Variants in ARHGAP10 observed in about 807,000 individuals in gnomAD.
ARHGAP10 encodes Rho GTPase activating protein 10.
Under a neutral mutation model 108.6 loss-of-function variants are expected in ARHGAP10, and 87 were observed. The ratio of observed to expected loss-of-function variants is 0.80; its 90% confidence interval spans 0.67 to 0.96. The LOEUF is 0.96. ARHGAP10 is among the 40% of genes least tolerant of loss of function. ARHGAP10 has a pLI of 0.00. For synonymous variants in ARHGAP10, 347 were observed against 341.1 expected, an observed-to-expected ratio of 1.02 and a Z score of -0.19; for missense variants, 939 against 954.5, an observed-to-expected ratio of 0.98 and a Z score of 0.21.
rs546694604 is a variant in ARHGAP10 at position 147,937,399 on chromosome 4, CTTATTTCTAAATACAGTCACAT to C, written c.1229-2423_1229-2402del. ...ATTTAATTACTTTTTTTTTCAAGAC[CTTATTTCTAAATACAGTCACAT>C]TTGGAAGTACTGAGGATTAGGACGT... On this transcript the variant is annotated intron_variant, in intron 13 of 22. Coordinates refer to ENST00000336498, the MANE Select transcript of ARHGAP10 (RefSeq NM_024605.4). Among the ~76,000 whole-genome samples, 44 of 152,016 alleles carry C rather than the reference CTTATTTCTAAATACAGTCACAT, an allele frequency of 2.9e-4. No homozygotes were observed. The South Asian group carries it at 8.5e-3, about 29-fold the overall frequency.
At chr4:147,990,729 A>C (rs576977579) in intron 18 of ARHGAP10, among the ~76,000 whole-genome samples, 15 of 152,294 alleles carry the variant, frequency 9.8e-5, no homozygotes, top group African/African-American at 3.6e-4. Flanking sequence ...CATTGAGTAC[A>C]TAGGGACACA....
chr4:147,767,554 T>C (rs555356504), intron 1 of ARHGAP10, among the ~76,000 whole-genome samples: 76 of 152,198 alleles, frequency 5.0e-4, no homozygotes, highest in Middle Eastern at 3.4e-3. Flanking sequence ...TAAAAGATTA[T>C]CAAGAATCGT....
chr4:147,764,917 GT>G (rs1464681848), intron 1 of ARHGAP10, among the ~76,000 whole-genome samples: 1 of 152,178 alleles, frequency 6.6e-6, no homozygotes, highest in East Asian at 1.9e-4. Context: ...TGCTGAGAGT[GT>G]TTTTAAAAGT....
chr4:147,911,994 C>CGTGT lies in ARHGAP10; in HGVS notation c.1163-1037_1163-1034dup, dbSNP rs36217593. ...TTCTCAAGTAATTTAAGAACATTCA[C>CGTGT]GTGTGTGTGTGTGTGTGTGTGTGTG... On this transcript the variant is annotated intron_variant, in intron 12 of 22. Transcript: ENST00000336498. Among the ~76,000 whole-genome samples, 467 of 135,406 alleles carry CGTGT rather than the reference C, an allele frequency of 3.4e-3. 3 individuals carry two copies. Among genetic ancestry groups the CGTGT allele is most frequent in the African/African-American group, 0.012 (408 of 34,786 alleles). 88.8% of individuals were successfully genotyped at this position (135,406 alleles called of 152,430 possible).
intron 1 of ARHGAP10, among the ~76,000 whole-genome samples, chr4:147,786,425 A>T (rs1289029916): frequency 6.6e-6 from 1 of 152,158 alleles, no homozygotes; most frequent in Non-Finnish European, 1.5e-5. Flanking sequence ...AGTTCTTAGC[A>T]ATGGCAGGGA....
At chr4:147,992,701 T>C (rs1220522926) in intron 18 of ARHGAP10, among the ~76,000 whole-genome samples, 1 of 152,176 alleles carries the variant, frequency 6.6e-6, no homozygotes, top group Non-Finnish European at 1.5e-5. Context: ...CCATTGCACC[T>C]GGCCGAAAAA....
At chr4:147,813,759 G>T (rs1052679499) in intron 1 of ARHGAP10, among the ~76,000 whole-genome samples, 5 of 152,142 alleles carry the variant, frequency 3.3e-5, no homozygotes, top group Admixed American at 1.3e-4. Context: ...ATGTTTTCCT[G>T]GTCTCTTCGT....
At chr4:148,030,656 C>T (rs531269931) in intron 19 of ARHGAP10, among the ~76,000 whole-genome samples, 13 of 152,272 alleles carry the variant, frequency 8.5e-5, no homozygotes, top group African/African-American at 1.9e-4. Flanking sequence ...TGAATTCTTA[C>T]CAGCTGTTGA....
In ARHGAP10 at chr4:147,904,381, C is replaced by T. The variant is rs984303945; in HGVS notation, c.1035-2257C>T. Among the ~76,000 whole-genome samples the T allele has an allele frequency of 1.5e-4, 23 of 151,868 alleles. 1 individual carries two copies. Among genetic ancestry groups the T allele is most frequent in the Admixed American group, 4.6e-4 (7 of 15,252 alleles). On this transcript the variant is annotated intron_variant, in intron 10 of 22. Transcript: ENST00000336498. ...ATATCTCCTAATGCTATCCCTCCCC[C>T]GTCCCCCCACCCCACAACAATCCCC...
At chr4:147,832,065 C>G (rs1732970853) in intron 3 of ARHGAP10, among the ~76,000 whole-genome samples, 1 of 152,098 alleles carries the variant, frequency 6.6e-6, no homozygotes, top group Non-Finnish European at 1.5e-5. Context: ...CTGCTCTCTT[C>G]TTCCCCCTGA....
chr4:148,039,883 A>G (rs1203751893), intron 19 of ARHGAP10, among the ~76,000 whole-genome samples: 1 of 152,012 alleles, frequency 6.6e-6, no homozygotes, highest in Non-Finnish European at 1.5e-5. Context: ...TGTTTCTGGG[A>G]TCTAGATTCT....
chr4:147,949,929 A>G (rs544980161), intron 15 of ARHGAP10, among the ~76,000 whole-genome samples: 2 of 152,076 alleles, frequency 1.3e-5, no homozygotes, highest in Non-Finnish European at 2.9e-5. Flanking sequence ...TATTTAGTAC[A>G]TAGGATTTCT....
At chr4:148,000,021 C>T (rs1407808236) in intron 18 of ARHGAP10, among the ~76,000 whole-genome samples, 1 of 151,832 alleles carries the variant, frequency 6.6e-6, no homozygotes. Context: ...TGGTGTGCTG[C>T]ACCTATTAAC....
intron 18 of ARHGAP10, among the ~76,000 whole-genome samples, chr4:147,983,932 T>C (rs1426906146): frequency 6.6e-6 from 1 of 151,998 alleles, no homozygotes; most frequent in Non-Finnish European, 1.5e-5. Context: ...TGATGTTTTC[T>C]TTTTTTTGAT....
In ARHGAP10 at chr4:147,875,119, A is replaced by G; in HGVS notation, c.801A>G (p.Thr267=). The G allele has an allele frequency of 1.3e-6, 2 of 1,599,958 alleles. No homozygotes were observed. The change falls in exon 8 of 23, where the codon ACA becomes ACG. Residue 267 remains threonine, a synonymous_variant. Coordinates refer to ENST00000336498, the MANE Select transcript of ARHGAP10 (RefSeq NM_024605.4). ...ACCACAAACGAGCAAGTCAGTTTAC[A>G]GCCGAAGGCTACCTGTATGTCCAGG... is the stretch of plus-strand genomic sequence containing the variant. ...PKDHKRASQF[T]AEGYLYVQEK... is the part of the protein sequence containing the mutation.
intron 12 of ARHGAP10, among the ~76,000 whole-genome samples, chr4:147,912,564 T>G (rs867279653): frequency 0.081 from 7,958 of 97,880 alleles, 498 homozygotes; most frequent in East Asian, 0.15. Flanking sequence ...TATATATATA[T>G]ATATATATAT....
chr4:148,019,706 G>A (rs1741489304), intron 18 of ARHGAP10, among the ~76,000 whole-genome samples: 1 of 151,602 alleles, frequency 6.6e-6, no homozygotes, highest in Admixed American at 6.6e-5. Flanking sequence ...GCCAAGCCGA[G>A]CTGAGCCGAG....
chr4:148,023,689 G>C (rs147593971), intron 19 of ARHGAP10, among the ~76,000 whole-genome samples: 1 of 152,296 alleles, frequency 6.6e-6, no homozygotes, highest in East Asian at 1.9e-4. Context: ...CCTCCTGTGA[G>C]GTTACATAAC....
chr4:147,977,482 T>C (rs1016520716), intron 18 of ARHGAP10, among the ~76,000 whole-genome samples: 7 of 152,310 alleles, frequency 4.6e-5, no homozygotes, highest in Admixed American at 3.3e-4. Context: ...GGAGCAATAA[T>C]AATTATAATA....
Sources: allele counts gnomAD v4.1 joint callset (sites outside exome capture counted in the v4.1 genomes callset), GRCh38; gene constraint gnomAD v4.1.1; transcripts MANE v1.5; gene names NCBI Gene and HGNC (gene_info 2026-07-23, HGNC 2026-07-21).